The following MYRIP variants were observed in gnomAD, a reference collection of about 807,000 sequenced individuals.
MYRIP encodes myosin VIIA and Rab interacting protein, also known as rab effector MyRIP.
MYRIP carries 49 observed loss-of-function variants against 98.0 expected under a neutral mutation model. The ratio of observed to expected loss-of-function variants is 0.50; its 90% CI spans 0.40 to 0.63. MYRIP has a LOEUF of 0.63. Among genes scored for constraint, MYRIP ranks in the 30% least tolerant of loss-of-function variants. The pLI is 0.00. For missense variants in MYRIP, 1,004 were observed against 1,058.2 expected, an observed-to-expected ratio of 0.95 and a Z score of 0.71; for synonymous variants, 404 against 409.5, an observed-to-expected ratio of 0.99 and a Z score of 0.16.
At chr3:40,167,102 A>G in intron 6 of MYRIP, 57 bp from the exon 7 acceptor site, 1 of 1,557,788 alleles carries the variant, frequency 6.4e-7, no homozygotes, top group Non-Finnish European at 8.9e-7. Flanking sequence ...TGGCAAAGTG[A>G]CTGCCAAGTC....
At chr3:40,166,775 A>G in intron 5 of MYRIP, 71 bp from the exon 6 acceptor site, 1 of 1,059,428 alleles carries the variant, frequency 9.4e-7, no homozygotes, top group South Asian at 1.3e-5. Flanking sequence ...GAATTTAAGC[A>G]GAAGAGCTTG....
intron 1 of MYRIP, among the ~76,000 whole-genome samples, chr3:39,872,845 A>G (rs1460626629): frequency 6.6e-6 from 1 of 152,214 alleles, no homozygotes; most frequent in African/African-American, 2.4e-5. Flanking sequence ...TCCTTTGGGT[A>G]TATACCCAGT....
At chr3:40,258,050 A>T in intron 16 of MYRIP, 84 bp from the exon 17 acceptor site, 2 of 1,431,842 alleles carry the variant, frequency 1.4e-6, no homozygotes, top group Non-Finnish European at 2.0e-6. Flanking sequence ...TTTTGATATT[A>T]AAAAGCAGTA....
rs1378074734 is a variant in MYRIP at position 40,203,989 on chromosome 3, T to C, written c.1666-5865T>C. Among the ~76,000 whole-genome samples the C allele has an allele frequency of 2.3e-3, 5 of 2,194 alleles. 1 individual carries two copies. Among genetic ancestry groups the C allele is most frequent in the African/African-American group, 9.0e-4 (1 of 1,110 alleles). The allele number at this position is 2,194 out of a possible 152,430, so 1.4% of individuals were successfully genotyped here. On this transcript the variant is annotated intron_variant, in intron 10 of 16. Coordinates refer to ENST00000302541, the MANE Select transcript of MYRIP (RefSeq NM_015460.4). ...CATTATATATATTATATATAATATA[T>C]ATTATATATATTATATATTATATAT...
At chr3:40,104,525 T>G (rs1334102234) in intron 3 of MYRIP, among the ~76,000 whole-genome samples, 1 of 152,246 alleles carries the variant, frequency 6.6e-6, no homozygotes, top group Non-Finnish European at 1.5e-5. Context: ...AGTCATATAC[T>G]AATTGGGAAC....
intron 3 of MYRIP, among the ~76,000 whole-genome samples, chr3:40,098,511 A>G (rs1335437568): frequency 1.3e-5 from 2 of 152,154 alleles, no homozygotes; most frequent in African/African-American, 2.4e-5. Context: ...TCTAAGTTCT[A>G]CATAAACAGT....
rs1947584760 is a variant in MYRIP at position 40,043,207 on chromosome 3, G to T, written c.111-843G>T. Among the ~76,000 whole-genome samples, 8 of 152,072 alleles carry T rather than the reference G, an allele frequency of 5.3e-5. 1 individual carries two copies. The South Asian group carries it at 1.7e-3, about 31-fold the overall frequency. On this transcript the variant is annotated intron_variant, in intron 2 of 16. Coordinates refer to ENST00000302541, the MANE Select transcript of MYRIP (RefSeq NM_015460.4). ...AGTCTAGTAATATAGTACTAAAATAGTAAAAATTATAGTCTAGTAATATAG... is the reference window on the plus strand; with the variant it reads ...AGTCTAGTAATATAGTACTAAAATATTAAAAATTATAGTCTAGTAATATAG...
intron 1 of MYRIP, among the ~76,000 whole-genome samples, chr3:39,894,075 CTG>C (rs1237093388): frequency 2.6e-5 from 4 of 152,024 alleles, no homozygotes; most frequent in African/African-American, 7.2e-5. Flanking sequence ...TCAAAGATAA[CTG>C]TTGGTAATTT....
chr3:39,831,262 T>C (rs913314317), intron 1 of MYRIP, among the ~76,000 whole-genome samples: 2 of 152,188 alleles, frequency 1.3e-5, no homozygotes, highest in African/African-American at 4.8e-5. Context: ...TTACCATTTA[T>C]GCCAGTGATC....
Position 39,897,826 on chromosome 3 carries a change from CT to C in MYRIP, c.-30-2942del, listed in dbSNP as rs66846258. ...TTTCTTTACAAAAACAAGTCCTGAT[CT>C]TTTTTTTTTTTTTTTTTTAGGTTTG... On this transcript the variant is annotated intron_variant, in intron 1 of 16. Transcript: ENST00000302541. 2.9e-3 allele frequency among the ~76,000 whole-genome samples: 384 copies of C among 134,110 alleles called. 1 individual carries two copies. Among genetic ancestry groups the C allele is most frequent in the East Asian group, 0.015 (68 of 4,636 alleles). 88.0% of individuals were successfully genotyped at this position (134,110 alleles called of 152,430 possible).
intron 2 of MYRIP, among the ~76,000 whole-genome samples, chr3:40,025,934 T>A (rs891236401): frequency 6.6e-6 from 1 of 152,086 alleles, no homozygotes; most frequent in African/African-American, 2.4e-5. Context: ...GGGTCTATGT[T>A]CAGCTGTGCA....
chr3:39,887,442 G>A (rs891484649), intron 1 of MYRIP, among the ~76,000 whole-genome samples: 2 of 152,038 alleles, frequency 1.3e-5, no homozygotes, highest in African/African-American at 2.4e-5. Flanking sequence ...TAAACTGCTA[G>A]CAAGACTAAT....
intron 2 of MYRIP, among the ~76,000 whole-genome samples, chr3:40,020,615 T>C (rs1366872323): frequency 6.6e-6 from 1 of 152,126 alleles, no homozygotes; most frequent in Non-Finnish European, 1.5e-5. Flanking sequence ...AATCATAAGG[T>C]TTTCCTTGAG....
intron 1 of MYRIP, among the ~76,000 whole-genome samples, chr3:39,874,994 TA>T (rs1312077119): frequency 1.3e-5 from 2 of 152,210 alleles, no homozygotes; most frequent in African/African-American, 4.8e-5. Context: ...GTTGGTAAGC[TA>T]TTGATTATTG....
intron 3 of MYRIP, chr3:40,071,138 T>C (rs1948215904): frequency 2.0e-6 from 2 of 985,380 alleles, no homozygotes; most frequent in Non-Finnish European, 2.4e-6. Flanking sequence ...TCAACTGCAG[T>C]AGGAGCCATC....
At chr3:39,907,837 G>A (rs746002751) in intron 2 of MYRIP, among the ~76,000 whole-genome samples, 16 of 152,276 alleles carry the variant, frequency 1.1e-4, no homozygotes, top group Admixed American at 5.2e-4. Flanking sequence ...GCTCCGTGTC[G>A]TCTGCCATTG....
intron 3 of MYRIP, among the ~76,000 whole-genome samples, chr3:40,113,349 T>C (rs1284618745): frequency 6.6e-6 from 1 of 152,174 alleles, no homozygotes; most frequent in Non-Finnish European, 1.5e-5. Context: ...TTTACCGTGT[T>C]GGCCAGGCTG....
intron 12 of MYRIP, among the ~76,000 whole-genome samples, chr3:40,240,294 T>C (rs1952966432): frequency 6.6e-6 from 1 of 152,214 alleles, no homozygotes; most frequent in South Asian, 2.1e-4. Context: ...AGTACCATGC[T>C]GTTTTGGTTA....
chr3:40,066,722 A>G (rs372728941), intron 3 of MYRIP, among the ~76,000 whole-genome samples: 1 of 152,342 alleles, frequency 6.6e-6, no homozygotes, highest in African/African-American at 2.4e-5. Flanking sequence ...TACAGTTAAT[A>G]TAGTCTGCTC....
Sources: gnomAD v4.1 joint callset for allele counts (sites outside exome capture counted in the v4.1 genomes callset) on GRCh38, gnomAD v4.1.1 for gene constraint, MANE v1.5 for transcripts, NCBI Gene and HGNC (gene_info 2026-07-23, HGNC 2026-07-21) for gene names.